Variants in ZNF385B observed in about 807,000 individuals in gnomAD.
ZNF385B encodes the protein zinc finger protein 385B.
A neutral mutation model predicts 39.2 loss-of-function variants in ZNF385B; 23 were observed. That is an observed-to-expected ratio of 0.59 (90% CI 0.42 to 0.83). The LOEUF (loss-of-function observed/expected upper bound fraction) is 0.83, where lower values mean the gene tolerates loss of function less well. ZNF385B is among the 40% of genes least tolerant of loss of function. The pLI is 0.00. For missense variants in ZNF385B, 552 were observed against 598.9 expected, an observed-to-expected ratio of 0.92 and a Z score of 0.82; for synonymous variants, 205 against 222.6, an observed-to-expected ratio of 0.92 and a Z score of 0.70.
chr2:179,564,295 CG>C (rs1684300311), intron 3 of ZNF385B, among the ~76,000 whole-genome samples: 1 of 152,004 alleles, frequency 6.6e-6, no homozygotes, highest in Non-Finnish European at 1.5e-5. Context: ...TAAGCCTCTA[CG>C]GGGAAAACTA....
chr2:179,765,391 A>T (rs1035971036), intron 3 of ZNF385B, among the ~76,000 whole-genome samples: 2 of 152,106 alleles, frequency 1.3e-5, no homozygotes, highest in African/African-American at 4.8e-5. Context: ...CTGCATCCAG[A>T]TTTGGGGTGG....
intron 9 of ZNF385B, among the ~76,000 whole-genome samples, chr2:179,443,771 T>A (rs10183927): frequency 0.32 from 48,747 of 152,048 alleles, 8,394 homozygotes; most frequent in African/African-American, 0.44. Flanking sequence ...AGAAGTTTCC[T>A]GCTTAGATGA....
At chr2:179,630,336 T>C (rs1045715671) in intron 3 of ZNF385B, among the ~76,000 whole-genome samples, 2 of 152,190 alleles carry the variant, frequency 1.3e-5, no homozygotes, top group African/African-American at 4.8e-5. Context: ...CAGGCAGCAA[T>C]ATTTGCTGTT....
Position 179,443,325 on chromosome 2 carries a change from A to C in ZNF385B, c.1386T>G (p.Ile462Met). 1 of 1,612,950 alleles carries C rather than the reference A, an allele frequency of 6.2e-7. No individual in the cohort carries two copies. Among genetic ancestry groups the C allele is most frequent in the Non-Finnish European group, 8.5e-7 (1 of 1,179,884 alleles). The change falls in exon 10 of 10, where the codon ATT becomes ATG. Residue 462 changes from isoleucine (I) to methionine (M), a missense_variant. Transcript: ENST00000410066. ...GCCCAGGCCTCAGAAGAGCTGGAGGAATGGCTGGAGCCTGGAAGAGCGAGG... is the reference window on the plus strand; with the variant it reads ...GCCCAGGCCTCAGAAGAGCTGGAGGCATGGCTGGAGCCTGGAAGAGCGAGG... ...PSASLFQAPA[I>M]PPALLRPGHG...
intron 3 of ZNF385B, among the ~76,000 whole-genome samples, chr2:179,609,711 G>A (rs143275306): frequency 3.9e-4 from 60 of 152,226 alleles, no homozygotes; most frequent in South Asian, 2.7e-3. Context: ...ACAAAGAGTC[G>A]CTTCTCTCCA....
intron 3 of ZNF385B, among the ~76,000 whole-genome samples, chr2:179,656,221 A>C (rs1305812024): frequency 6.6e-6 from 1 of 152,146 alleles, no homozygotes; most frequent in Non-Finnish European, 1.5e-5. Context: ...TATAGCTACT[A>C]ATGGGCATGT....
intron 3 of ZNF385B, among the ~76,000 whole-genome samples, chr2:179,766,258 A>G (rs1703687559): frequency 1.3e-5 from 2 of 152,106 alleles, no homozygotes; most frequent in Admixed American, 6.5e-5. Flanking sequence ...TGCCAACTCC[A>G]ACACTACAAA....
chr2:179,487,763 A>G (rs1229955517), intron 5 of ZNF385B, among the ~76,000 whole-genome samples: 1 of 152,214 alleles, frequency 6.6e-6, no homozygotes, highest in Non-Finnish European at 1.5e-5. Flanking sequence ...CTGTGCCCCT[A>G]ACTGGCAGTG....
chr2:179,819,322 G>A (rs953264476), intron 1 of ZNF385B, among the ~76,000 whole-genome samples: 1 of 151,944 alleles, frequency 6.6e-6, no homozygotes, highest in African/African-American at 2.4e-5. Flanking sequence ...CTCCACTTCC[G>A]AGCCAGTGCA....
intron 3 of ZNF385B, among the ~76,000 whole-genome samples, chr2:179,604,394 G>A (rs1688637479): frequency 6.6e-6 from 1 of 151,430 alleles, no homozygotes; most frequent in Non-Finnish European, 1.5e-5. Context: ...TTTAAGAAGG[G>A]GAATAACTGA....
intron 3 of ZNF385B, among the ~76,000 whole-genome samples, chr2:179,695,225 C>T (rs1203118512): frequency 6.6e-6 from 1 of 152,012 alleles, no homozygotes; most frequent in African/African-American, 2.4e-5. Flanking sequence ...TCATTGACTG[C>T]ACTGCTAATT....
chr2:179,821,485 C>A (rs1229224092), intron 1 of ZNF385B, among the ~76,000 whole-genome samples: 1 of 152,044 alleles, frequency 6.6e-6, no homozygotes, highest in East Asian at 1.9e-4. Flanking sequence ...TTATACCACA[C>A]CCCTTGGTTT....
intron 1 of ZNF385B, among the ~76,000 whole-genome samples, chr2:179,773,094 CG>C (rs1386255514): frequency 1.3e-5 from 2 of 152,038 alleles, no homozygotes; most frequent in Non-Finnish European, 2.9e-5. Context: ...GGATGCAATC[CG>C]TCAGGAAATT....
In ZNF385B at chr2:179,555,313, C is replaced by G. The variant is rs150633633; in HGVS notation, c.299-10344G>C. Reference sequence around the variant, plus strand: ...TTATTCTGTTAGGATAGTGGCTTTCCTTATAGAAAGGATGGGATGAGGTGG... The same window carrying G: ...TTATTCTGTTAGGATAGTGGCTTTCGTTATAGAAAGGATGGGATGAGGTGG... On this transcript the variant is annotated intron_variant, in intron 3 of 9. Coordinates refer to ENST00000410066, the MANE Select transcript of ZNF385B (RefSeq NM_152520.6). Among the ~76,000 whole-genome samples, 18 of 149,374 alleles carry G rather than the reference C, an allele frequency of 1.2e-4. 1 individual carries two copies. The highest frequency in any genetic ancestry group is 4.5e-4 in the African/African-American group (18 of 39,688).
chr2:179,682,874 G>C (rs947688086), intron 3 of ZNF385B, among the ~76,000 whole-genome samples: 1 of 152,150 alleles, frequency 6.6e-6, no homozygotes, highest in Admixed American at 6.5e-5. Context: ...GTAGGTTAAG[G>C]GTTCCTGGTC....
intron 4 of ZNF385B, among the ~76,000 whole-genome samples, chr2:179,532,151 G>A (rs978254342): frequency 6.6e-6 from 1 of 152,130 alleles, no homozygotes; most frequent in South Asian, 2.1e-4. Flanking sequence ...ACTGCAAGGA[G>A]GCTATGGTTC....
intron 3 of ZNF385B, among the ~76,000 whole-genome samples, chr2:179,565,961 C>T (rs756789848): frequency 7.9e-5 from 12 of 152,156 alleles, no homozygotes; most frequent in Non-Finnish European, 1.5e-4. Context: ...GTGTCTTCTT[C>T]CCCAAAGAGC....
chr2:179,539,655 T>C (rs1305954479), intron 4 of ZNF385B, among the ~76,000 whole-genome samples: 1 of 152,118 alleles, frequency 6.6e-6, no homozygotes, highest in Non-Finnish European at 1.5e-5. Flanking sequence ...GAAACAATTG[T>C]GTGTATTTTG....
intron 5 of ZNF385B, among the ~76,000 whole-genome samples, chr2:179,493,486 T>C (rs1437087915): frequency 1.2e-4 from 12 of 98,948 alleles, no homozygotes; most frequent in Non-Finnish European, 1.8e-4. Flanking sequence ...TACACATATG[T>C]ATAAACGTGT....
Sources: allele counts gnomAD v4.1 joint callset (sites outside exome capture counted in the v4.1 genomes callset), GRCh38; gene constraint gnomAD v4.1.1; transcripts MANE v1.5; gene names NCBI Gene and HGNC (gene_info 2026-07-23, HGNC 2026-07-21).